TBC1D8B: variants seen among roughly 807,000 people sequenced by gnomAD.
The protein encoded by TBC1D8B is RP11-321G1.1.
A neutral mutation model predicts 82.9 loss-of-function variants in TBC1D8B; 75 were observed. The ratio of observed to expected loss-of-function variants is 0.90; its 90% confidence interval spans 0.75 to 1.10. TBC1D8B has a LOEUF of 1.10. TBC1D8B is among the 50% of genes least tolerant of loss of function. The probability of loss-of-function intolerance (pLI) is 0.00; values close to 1 mark genes in which losing one functional copy is unlikely to be tolerated. For missense variants in TBC1D8B, 794 were observed against 796.9 expected (o/e 1.00, Z 0.04); for synonymous variants, 276 against 276.8 (o/e 1.00, Z 0.03).
chrX:106,823,162 C>T, intron 4 of TBC1D8B, 64 bp from the exon 5 acceptor site: 1 of 1,067,156 alleles, frequency 9.4e-7, no homozygotes, highest in Non-Finnish European at 1.3e-6. Flanking sequence ...TTCAGAAGAA[C>T]TGATTAATAA....
chrX:106,852,718 A>G (rs1932616518), intron 12 of TBC1D8B, among the ~76,000 whole-genome samples: 1 of 109,346 alleles, frequency 9.1e-6, no homozygotes, highest in South Asian at 4.1e-4. Flanking sequence ...CAAAGATCAG[A>G]TAGTTGTAGA....
rs748367216 is a variant in TBC1D8B at position 106,866,803 on chromosome X, T to G, written c.2669T>G (p.Met890Arg). 1 of 1,167,622 alleles carries G rather than the reference T, an allele frequency of 8.6e-7. No homozygotes were observed. Among genetic ancestry groups the G allele is most frequent in the Non-Finnish European group, 1.2e-6 (1 of 866,526 alleles). Residue 890 changes from methionine (M) to arginine (R), a missense_variant, in exon 17 of 21, where the codon ATG becomes AGG. Met to Arg is a moderately conservative substitution (Grantham distance 91). Coordinates refer to ENST00000357242, the MANE Select transcript of TBC1D8B (RefSeq NM_017752.3). The stretch of plus-strand genomic sequence containing the variant: ...ATTGAATTTTATTGAACAGACATAA[T>G]GTACAATGGAAGTTTTACTGAGAAG... ...FKEFSSAIDI[M>R]YNGSFTEKLK...
chrX:106,820,714 T>C (rs759613497), intron 2 of TBC1D8B, among the ~76,000 whole-genome samples, 163 bp from the exon 3 acceptor site: 6 of 111,825 alleles, frequency 5.4e-5, no homozygotes, highest in African/African-American at 1.9e-4. Context: ...CATGCCCACA[T>C]AGAGGGATAA....
At chrX:106,829,605 A>G (rs1415857439) in intron 7 of TBC1D8B, 2 of 105,802 alleles carry the variant, frequency 1.9e-5, no homozygotes. Flanking sequence ...GATATAGATC[A>G]ATGGAACAGA....
At chrX:106,808,094 A>G (rs1289152640) in intron 1 of TBC1D8B, among the ~76,000 whole-genome samples, 1 of 110,939 alleles carries the variant, frequency 9.0e-6, no homozygotes, top group Non-Finnish European at 1.9e-5. Flanking sequence ...AAATAAACCA[A>G]CTACAAGCCA....
Position 106,826,090 on chromosome X carries a change from A to G in TBC1D8B, c.888A>G (p.Gly296=). Residue 296 remains glycine, a synonymous_variant, in exon 6 of 21, where the codon GGA becomes GGG. Transcript: ENST00000357242. ...ATGCCTTTTTTAGGCTGCCCAAAGG[A>G]GAGAGTTTGAAAGAAGTACATGAAT... ...QFNAFFRLPK[G]ESLKEVHECF... The G allele has an allele frequency of 5.8e-6, 7 of 1,210,915 alleles. No individual in the cohort carries two copies. Among genetic ancestry groups the G allele is most frequent in the Non-Finnish European group, 6.7e-6 (6 of 895,044 alleles).
rs1286787912 is a variant in TBC1D8B at position 106,866,023 on chromosome X, C to T, written c.2652C>T (p.Ser884=). 8.3e-7 allele frequency: 1 copy of T among 1,200,256 alleles called. No homozygotes were observed. Among genetic ancestry groups the T allele is most frequent in the Admixed American group, 2.3e-5 (1 of 44,286 alleles). ...GCCTTATAAACTTCAAAGAATTCTC[C>T]TCTGCAATTGGTAAGATGATTTTTT... ...SDCLINFKEF[S]SAIDIMYNGS... is the part of the protein sequence containing the mutation. Residue 884 remains serine, a synonymous_variant, in exon 16 of 21, where the codon TCC becomes TCT. Coordinates refer to ENST00000357242, the MANE Select transcript of TBC1D8B (RefSeq NM_017752.3).
chrX:106,852,851 G>A (rs1410545835), intron 12 of TBC1D8B, among the ~76,000 whole-genome samples: 1 of 111,666 alleles, frequency 9.0e-6, no homozygotes, highest in Non-Finnish European at 1.9e-5. Flanking sequence ...TTGAAGTCAG[G>A]TAGCATGATG....
chrX:106,870,436 G>T (rs187360401), intron 19 of TBC1D8B, among the ~76,000 whole-genome samples: 139 of 111,877 alleles, frequency 1.2e-3, no homozygotes, highest in African/African-American at 4.1e-3. Context: ...TTAAGTCGGG[G>T]TGTATTGTTT....
intron 10 of TBC1D8B, among the ~76,000 whole-genome samples, chrX:106,844,171 C>T (rs1423986641): frequency 2.7e-5 from 3 of 110,295 alleles, no homozygotes; most frequent in Non-Finnish European, 3.8e-5. Flanking sequence ...TTTTACTTCT[C>T]TTATTCCAGT....
intron 2 of TBC1D8B, among the ~76,000 whole-genome samples, chrX:106,818,998 A>G (rs1033815928): frequency 9.4e-6 from 1 of 106,675 alleles, no homozygotes; most frequent in African/African-American, 3.4e-5. Context: ...CATGTGGTCT[A>G]GCAGGGCTGA....
intron 14 of TBC1D8B, among the ~76,000 whole-genome samples, chrX:106,864,123 C>T (rs1287743729): frequency 9.0e-6 from 1 of 111,329 alleles, no homozygotes; most frequent in Non-Finnish European, 1.9e-5. Flanking sequence ...TCCCCTTGGA[C>T]TTAAGAGTTG....
intron 1 of TBC1D8B, among the ~76,000 whole-genome samples, chrX:106,812,814 T>C (rs961598707): frequency 1.1e-4 from 12 of 111,908 alleles, no homozygotes; most frequent in Non-Finnish European, 9.4e-5. Context: ...ACAGGTTAGA[T>C]TCAAATGAGG....
intron 10 of TBC1D8B, among the ~76,000 whole-genome samples, chrX:106,842,063 A>G (rs1342202319): frequency 9.0e-6 from 1 of 111,541 alleles, no homozygotes; most frequent in East Asian, 2.8e-4. Context: ...ACGTTTATTT[A>G]TAATGGGTTG....
chrX:106,827,261 A>G lies in TBC1D8B; in HGVS notation c.1127A>G (p.Asp376Gly). 8.3e-7 allele frequency: 1 copy of G among 1,211,342 alleles called. No homozygotes were observed. The highest frequency in any genetic ancestry group is 2.3e-4 in the Middle Eastern group (1 of 4,348). ...KTAFRFHEVK[D>G]FEQLVAKLRL... The stretch of plus-strand genomic sequence containing the variant: ...GCTTTTCGCTTCCATGAAGTTAAAG[A>G]CTTTGAACAACTGGTAGCAAAACTC... Residue 376 changes from aspartate (D) to glycine (G), a missense_variant, in exon 7 of 21, where the codon GAC becomes GGC. Transcript: ENST00000357242.
intron 5 of TBC1D8B, among the ~76,000 whole-genome samples, chrX:106,824,002 G>A (rs1009145926): frequency 5.4e-5 from 6 of 111,292 alleles, no homozygotes; most frequent in Non-Finnish European, 9.4e-5. Flanking sequence ...GCACTTATGA[G>A]GAATGGGCAT....
intron 1 of TBC1D8B, chrX:106,814,543 T>A (rs1931480112): frequency 9.3e-6 from 1 of 107,245 alleles, no homozygotes; most frequent in African/African-American, 3.4e-5. Context: ...TGATTTATAG[T>A]CCTTTGGGTA....
chrX:106,820,665 T>A (rs1395524899), intron 2 of TBC1D8B, among the ~76,000 whole-genome samples: 1 of 111,869 alleles, frequency 8.9e-6, no homozygotes, highest in Non-Finnish European at 1.9e-5. Flanking sequence ...TCCCCTTTCA[T>A]TAAATGTTTT....
intron 7 of TBC1D8B, among the ~76,000 whole-genome samples, chrX:106,838,877 A>T (rs1171290885): frequency 9.0e-6 from 1 of 110,742 alleles, no homozygotes; most frequent in Non-Finnish European, 1.9e-5. Flanking sequence ...TTTTAATGAA[A>T]CTCCAAAAGA....
Sources: gnomAD v4.1 joint callset for allele counts (sites outside exome capture counted in the v4.1 genomes callset) on GRCh38, gnomAD v4.1.1 for gene constraint, MANE v1.5 for transcripts, NCBI Gene and HGNC (gene_info 2026-07-23, HGNC 2026-07-21) for gene names.